PLD1: variants seen among roughly 807,000 people sequenced by gnomAD.
PLD1 encodes phospholipase D1.
PLD1 carries 112 observed loss-of-function variants against 137.1 expected under a neutral mutation model. The ratio of observed to expected loss-of-function variants is 0.82; its 90% CI spans 0.70 to 0.96. The LOEUF (loss-of-function observed/expected upper bound fraction) is 0.96, where lower values mean the gene tolerates loss of function less well. Among genes scored for constraint, PLD1 ranks in the 40% least tolerant of loss-of-function variants. The pLI is 0.00. For missense variants in PLD1, 1,321 were observed against 1,342.0 expected (o/e 0.98, Z 0.24); for synonymous variants, 431 against 454.7 (o/e 0.95, Z 0.66).
At chr3:171,801,616 AT>A (rs1251977539) in intron 1 of PLD1, among the ~76,000 whole-genome samples, 1 of 152,122 alleles carries the variant, frequency 6.6e-6, no homozygotes, top group Non-Finnish European at 1.5e-5. Context: ...TTTAGTAGAG[AT>A]GAGGTTTCAC....
chr3:171,741,753 T>A (rs1301949064), intron 1 of PLD1, among the ~76,000 whole-genome samples: 1 of 152,206 alleles, frequency 6.6e-6, no homozygotes, highest in Non-Finnish European at 1.5e-5. Context: ...TGACCTCCAG[T>A]TATTCAGTGA....
chr3:171,748,005 T>A (rs1340441525), intron 1 of PLD1, among the ~76,000 whole-genome samples: 1 of 152,210 alleles, frequency 6.6e-6, no homozygotes, highest in Non-Finnish European at 1.5e-5. Flanking sequence ...TAGATTAAAA[T>A]TTTAAAAACT....
At chr3:171,604,211 G>C (rs764234382) in intron 26 of PLD1, among the ~76,000 whole-genome samples, 4 of 151,692 alleles carry the variant, frequency 2.6e-5, no homozygotes, top group Non-Finnish European at 5.9e-5. Flanking sequence ...CTACTCGGGA[G>C]GCTGAGGCAG....
intron 1 of PLD1, among the ~76,000 whole-genome samples, chr3:171,770,697 C>T (rs535575259): frequency 6.3e-4 from 96 of 151,382 alleles, no homozygotes; most frequent in African/African-American, 2.3e-3. Flanking sequence ...GCCTGGGCAA[C>T]ATGGCAAAAC....
intron 1 of PLD1, among the ~76,000 whole-genome samples, chr3:171,794,144 CA>C (rs201615949): frequency 8.7e-4 from 103 of 118,714 alleles, no homozygotes; most frequent in Non-Finnish European, 7.8e-4. Flanking sequence ...GAATCCATCT[CA>C]AAAAAAAAAA....
intron 1 of PLD1, among the ~76,000 whole-genome samples, chr3:171,785,063 C>G (rs1722952307): frequency 6.6e-6 from 1 of 152,220 alleles, no homozygotes; most frequent in Non-Finnish European, 1.5e-5. Context: ...TACAGGAATA[C>G]TACAGTAAGT....
At chr3:171,665,741 G>A (rs571747198) in intron 19 of PLD1, among the ~76,000 whole-genome samples, 1 of 152,028 alleles carries the variant, frequency 6.6e-6, no homozygotes, top group African/African-American at 2.4e-5. Context: ...ATCAGCCTGT[G>A]GGAGAGCATA....
intron 6 of PLD1, among the ~76,000 whole-genome samples, chr3:171,727,397 A>G (rs1252365424): frequency 6.6e-6 from 1 of 152,232 alleles, no homozygotes; most frequent in Non-Finnish European, 1.5e-5. Context: ...TATTCTAGGT[A>G]GGTGAAAGCT....
At chr3:171,708,379 A>C (rs2108561533) in intron 11 of PLD1, among the ~76,000 whole-genome samples, 1 of 152,310 alleles carries the variant, frequency 6.6e-6, no homozygotes, top group Admixed American at 6.5e-5. Context: ...CAAAAGGACA[A>C]TTTAGAAGAA....
At chr3:171,683,775 T>C (rs1714253280) in intron 16 of PLD1, among the ~76,000 whole-genome samples, 1 of 152,212 alleles carries the variant, frequency 6.6e-6, no homozygotes, top group Non-Finnish European at 1.5e-5. Context: ...ACTTCATCTG[T>C]TTTATTCACC....
chr3:171,692,768 G>A (rs1037878338), intron 12 of PLD1, among the ~76,000 whole-genome samples: 1 of 152,016 alleles, frequency 6.6e-6, no homozygotes, highest in Non-Finnish European at 1.5e-5. Context: ...TGATCCACCC[G>A]CCTCAGCCGC....
intron 1 of PLD1, among the ~76,000 whole-genome samples, chr3:171,776,007 T>C (rs554826714): frequency 1.3e-5 from 2 of 152,206 alleles, no homozygotes; most frequent in Non-Finnish European, 2.9e-5. Flanking sequence ...GACTTTGTGT[T>C]CTTTCTACCA....
At chr3:171,707,835 AG>A (rs1716813848) in intron 11 of PLD1, among the ~76,000 whole-genome samples, 1 of 152,240 alleles carries the variant, frequency 6.6e-6, no homozygotes, top group Non-Finnish European at 1.5e-5. Context: ...AGGTTAAGAA[AG>A]CATGCCTTAT....
At position 171,645,110 on chromosome 3, in the gene PLD1, T is replaced by C. The variant is rs1037317657; in HGVS notation, c.2430-87A>G. The C allele has an allele frequency of 8.3e-6, 7 of 843,344 alleles. No homozygotes were observed. In the African/African-American group the frequency reaches 9.9e-5, roughly 12 times the overall value. 52.2% of individuals were successfully genotyped at this position (843,344 alleles called of 1,614,324 possible). On this transcript the variant is annotated intron_variant, in intron 21 of 26. Transcript: ENST00000351298. ...GACAGCCAAGCAGTTCACATGGTTT[T>C]TGAGATTGAGTGAATGGCTTCCTAC... is the stretch of plus-strand genomic sequence containing the variant.
chr3:171,711,167 CTTTTTT>C (rs562934959), intron 9 of PLD1, among the ~76,000 whole-genome samples: 13 of 94,808 alleles, frequency 1.4e-4, no homozygotes, highest in Admixed American at 6.6e-4. Flanking sequence ...CTGTGCCAGC[CTTTTTT>C]TTTTTTTTTT....
chr3:171,713,463 G>A (rs371998153), intron 9 of PLD1, among the ~76,000 whole-genome samples: 4 of 152,220 alleles, frequency 2.6e-5, no homozygotes, highest in Admixed American at 2.6e-4. Context: ...GTGACAGAGT[G>A]AGAGCCTGTC....
At chr3:171,746,637 T>G (rs112874681) in intron 1 of PLD1, among the ~76,000 whole-genome samples, 1 of 151,996 alleles carries the variant, frequency 6.6e-6, no homozygotes, top group African/African-American at 2.4e-5. Flanking sequence ...AGTGGGGACT[T>G]GGAGAACCTT....
At chr3:171,692,304 C>T in intron 13 of PLD1, 28 bp downstream of exon 13, 1 of 1,025,838 alleles carries the variant, frequency 9.7e-7, no homozygotes, top group Middle Eastern at 2.0e-4. Context: ...AATAAAGAAA[C>T]ATTGGTTATC....
intron 11 of PLD1, among the ~76,000 whole-genome samples, chr3:171,705,549 C>T (rs1716614317): frequency 6.6e-6 from 1 of 151,974 alleles, no homozygotes; most frequent in African/African-American, 2.4e-5. Flanking sequence ...CACAATCTCC[C>T]TCTCAAAAAA....
Sources: allele counts gnomAD v4.1 joint callset (sites outside exome capture counted in the v4.1 genomes callset), GRCh38; gene constraint gnomAD v4.1.1; transcripts MANE v1.5; gene names NCBI Gene and HGNC (gene_info 2026-07-23, HGNC 2026-07-21).